Variants in CEP112 observed in about 807,000 individuals in gnomAD.
The protein encoded by CEP112 is centrosomal protein 112.
CEP112 carries 127 observed loss-of-function variants against 153.0 expected under a neutral mutation model. The observed-to-expected ratio is 0.83, with a 90% confidence interval of 0.72 to 0.96. The LOEUF (loss-of-function observed/expected upper bound fraction) is 0.96, where lower values mean the gene tolerates loss of function less well. Among genes scored for constraint, CEP112 ranks in the 40% least tolerant of loss-of-function variants. The probability of loss-of-function intolerance (pLI) is 0.00; values close to 1 mark genes in which losing one functional copy is unlikely to be tolerated. For synonymous variants in CEP112, 358 were observed against 374.4 expected (o/e 0.96, Z 0.51); for missense variants, 1,089 against 1,101.2 (o/e 0.99, Z 0.16).
At chr17:66,065,924 C>T (rs543018382) in intron 10 of CEP112, among the ~76,000 whole-genome samples, 6 of 152,248 alleles carry the variant, frequency 3.9e-5, no homozygotes, top group Admixed American at 1.3e-4. Flanking sequence ...CCACCGCGCC[C>T]GGCCTAAAAT....
intron 21 of CEP112, chr17:65,825,994 G>T: frequency 1.3e-6 from 1 of 773,882 alleles, no homozygotes. Flanking sequence ...TGTTCAATGT[G>T]ATTGCAGTTT....
At position 66,189,584 on chromosome 17, in the gene CEP112, TA is replaced by T. The variant is rs35113766; in HGVS notation, c.-9+2412del. On this transcript the variant is annotated intron_variant, in intron 1 of 26. Transcript: ENST00000535342. ...GACATGCAATATTGAAGTATACATTTAAAAAAAAAACTAAAGAATCAAAGTA... is the reference window on the plus strand; with the variant it reads ...GACATGCAATATTGAAGTATACATTTAAAAAAAAACTAAAGAATCAAAGTA... Among the ~76,000 whole-genome samples the T allele has an allele frequency of 8.7e-3, 1,293 of 148,536 alleles. 17 individuals carry two copies. The highest frequency in any genetic ancestry group is 0.028 in the African/African-American group (1,154 of 40,572).
At chr17:65,648,240 C>A (rs900264509) in intron 24 of CEP112, among the ~76,000 whole-genome samples, 1 of 152,198 alleles carries the variant, frequency 6.6e-6, no homozygotes, top group African/African-American at 2.4e-5. Flanking sequence ...CCTCTCTCCA[C>A]CACGGTTACT....
chr17:65,821,133 G>A (rs2056512079), intron 21 of CEP112, among the ~76,000 whole-genome samples: 1 of 149,542 alleles, frequency 6.7e-6, no homozygotes, highest in Non-Finnish European at 1.5e-5. Context: ...AACAAAAAAT[G>A]TTGTACAATG....
At chr17:65,717,370 G>A (rs1467525040) in intron 23 of CEP112, among the ~76,000 whole-genome samples, 1 of 152,142 alleles carries the variant, frequency 6.6e-6, no homozygotes, top group Non-Finnish European at 1.5e-5. Context: ...GTCAGTCCCA[G>A]AAGAGAGAAG....
At chr17:65,696,675 C>G (rs188107699) in intron 23 of CEP112, among the ~76,000 whole-genome samples, 2 of 152,144 alleles carry the variant, frequency 1.3e-5, no homozygotes, top group Non-Finnish European at 2.9e-5. Context: ...ACTGAAGATG[C>G]TGCCAAGAAG....
intron 9 of CEP112, among the ~76,000 whole-genome samples, chr17:66,068,055 A>G (rs2067185683): frequency 6.6e-6 from 1 of 152,204 alleles, no homozygotes; most frequent in Non-Finnish European, 1.5e-5. Flanking sequence ...TTGCATTAAA[A>G]TCTATTGTTA....
intron 18 of CEP112, among the ~76,000 whole-genome samples, chr17:65,958,564 TG>T (rs943582727): frequency 2.2e-5 from 1 of 45,376 alleles, no homozygotes; most frequent in African/African-American, 6.4e-5. Flanking sequence ...GGGCTGAGCC[TG>T]GGTGCTGTCG....
At chr17:66,103,283 G>C (rs139730077) in intron 6 of CEP112, among the ~76,000 whole-genome samples, 283 of 151,006 alleles carry the variant, frequency 1.9e-3, no homozygotes, top group African/African-American at 6.6e-3. Context: ...ATGATACAAT[G>C]AGTACCACCC....
At position 65,902,155 on chromosome 17, in the gene CEP112, T is replaced by C; in HGVS notation, c.2160A>G (p.Ala720=). The C allele has an allele frequency of 6.2e-7, 1 of 1,609,702 alleles. No individual in the cohort carries two copies. Among genetic ancestry groups the C allele is most frequent in the Non-Finnish European group, 8.5e-7 (1 of 1,176,366 alleles). Residue 720 remains alanine (A), a synonymous_variant, in exon 20 of 27, where the codon GCA becomes GCG. Coordinates refer to ENST00000535342, the MANE Select transcript of CEP112 (RefSeq NM_001199165.4). ...NQIQEFKKRD[A]QVIADMEAQV... is the part of the protein sequence containing the mutation. ...ATCAAATATTATTGATAATTACCTGTGCATCTCGTTTCTTGAACTCCTGAA... is the reference window on the plus strand; with the variant it reads ...ATCAAATATTATTGATAATTACCTGCGCATCTCGTTTCTTGAACTCCTGAA...
intron 16 of CEP112, among the ~76,000 whole-genome samples, chr17:66,009,416 T>A (rs1431610588): frequency 6.6e-6 from 1 of 152,194 alleles, no homozygotes. Context: ...GTTTTTGCTA[T>A]AAAATTGTTT....
At chr17:66,063,932 TC>T (rs1362889167) in intron 10 of CEP112, among the ~76,000 whole-genome samples, 1 of 152,098 alleles carries the variant, frequency 6.6e-6, no homozygotes, top group Non-Finnish European at 1.5e-5. Context: ...TGCCCTTCCC[TC>T]CCTTATTGAA....
intron 12 of CEP112, among the ~76,000 whole-genome samples, chr17:66,036,095 C>A (rs548424220): frequency 6.6e-6 from 1 of 152,304 alleles, no homozygotes; most frequent in East Asian, 1.9e-4. Context: ...CATTATGCTG[C>A]ATGAAATAAG....
At chr17:66,086,597 G>A (rs557982391) in intron 8 of CEP112, among the ~76,000 whole-genome samples, 2 of 150,992 alleles carry the variant, frequency 1.3e-5, no homozygotes, top group East Asian at 1.9e-4. Flanking sequence ...TAGCAGAGAC[G>A]GGGTTTCACC....
At chr17:66,039,206 A>G (rs2065869390) in intron 12 of CEP112, among the ~76,000 whole-genome samples, 1 of 152,236 alleles carries the variant, frequency 6.6e-6, no homozygotes, top group Admixed American at 6.5e-5. Flanking sequence ...TAAGTCTTAG[A>G]AAATATAAAA....
chr17:66,032,019 T>G (rs1238491231), intron 12 of CEP112, among the ~76,000 whole-genome samples: 2 of 152,108 alleles, frequency 1.3e-5, no homozygotes, highest in African/African-American at 4.8e-5. Flanking sequence ...TGTCAAATTC[T>G]TTTTCTTTTT....
intron 6 of CEP112, among the ~76,000 whole-genome samples, chr17:66,120,829 AT>A (rs1245880910): frequency 3.6e-4 from 54 of 150,664 alleles, no homozygotes; most frequent in African/African-American, 1.3e-3. Flanking sequence ...GATTTTCATT[AT>A]TGCTTGTGTT....
intron 20 of CEP112, among the ~76,000 whole-genome samples, chr17:65,865,863 G>T (rs538578306): frequency 6.6e-4 from 100 of 152,324 alleles, no homozygotes; most frequent in African/African-American, 2.3e-3. Flanking sequence ...GGAGCAGCAC[G>T]GTTGGGCACA....
At chr17:65,685,818 G>GC (rs1346171448) in intron 24 of CEP112, among the ~76,000 whole-genome samples, 1 of 151,656 alleles carries the variant, frequency 6.6e-6, no homozygotes, top group Non-Finnish European at 1.5e-5. Flanking sequence ...GATTATAGGC[G>GC]CCCGCCACCA....
Sources: allele counts gnomAD v4.1 joint callset (sites outside exome capture counted in the v4.1 genomes callset), GRCh38; gene constraint gnomAD v4.1.1; transcripts MANE v1.5; gene names NCBI Gene and HGNC (gene_info 2026-07-23, HGNC 2026-07-21).